The following ULK4 variants were observed in gnomAD, a reference collection of about 807,000 sequenced individuals.
ULK4 encodes the protein unc-51 like kinase 4.
A neutral mutation model predicts 160.6 loss-of-function variants in ULK4; 133 were observed. The observed-to-expected ratio is 0.83, with a 90% CI of 0.72 to 0.96. The LOEUF (loss-of-function observed/expected upper bound fraction) is 0.96. ULK4 is among the 40% of genes least tolerant of loss of function. The pLI, the probability that ULK4 is intolerant of heterozygous loss-of-function variation, is 0.00. For missense variants in ULK4, 1,580 were observed against 1,499.5 expected (o/e 1.05, Z -0.89); for synonymous variants, 534 against 539.8 (o/e 0.99, Z 0.15).
At chr3:41,648,451 G>T (rs1394208966) in intron 30 of ULK4, among the ~76,000 whole-genome samples, 1 of 152,152 alleles carries the variant, frequency 6.6e-6, no homozygotes, top group Non-Finnish European at 1.5e-5. Flanking sequence ...TTAGGACAAT[G>T]TTAGTCATTG....
rs966293391 is a variant in ULK4, at chr3:41,863,966, T to C, written c.1656+19908A>G. Among the ~76,000 whole-genome samples, 3 of 151,918 alleles carry C rather than the reference T, an allele frequency of 2.0e-5. No individual in the cohort carries two copies. In the South Asian group the frequency reaches 6.2e-4, roughly 32 times the overall value. ...CTGCCCCAGCTGGCATCTCAGTATG[T>C]CATGTGCCCCCTCAGTCCACTGTCT... On this transcript the variant is annotated intron_variant, in intron 17 of 36. Transcript: ENST00000301831.
intron 25 of ULK4, among the ~76,000 whole-genome samples, chr3:41,706,911 A>G (rs998451440): frequency 3.4e-5 from 5 of 149,122 alleles, no homozygotes; most frequent in African/African-American, 1.2e-4. Flanking sequence ...AGAGAGAGAG[A>G]GAGAATAGAA....
intron 31 of ULK4, among the ~76,000 whole-genome samples, chr3:41,569,126 A>G (rs1379428945): frequency 6.6e-6 from 1 of 152,180 alleles, no homozygotes; most frequent in Non-Finnish European, 1.5e-5. Flanking sequence ...CAACCTGTAC[A>G]TATTCAGCTA....
intron 21 of ULK4, among the ~76,000 whole-genome samples, chr3:41,773,056 T>A (rs964799182): frequency 1.3e-5 from 2 of 152,218 alleles, no homozygotes; most frequent in African/African-American, 4.8e-5. Flanking sequence ...AATTAGGTAC[T>A]GATGGGACAT....
chr3:41,473,618 C>T (rs1261442419), intron 32 of ULK4, among the ~76,000 whole-genome samples: 2 of 137,630 alleles, frequency 1.5e-5, no homozygotes, highest in African/African-American at 2.8e-5. Flanking sequence ...GCTGAGATCG[C>T]ACCACGGCAC....
At position 41,398,160 on chromosome 3, in the gene ULK4, A is replaced by C. The variant is rs2082103286; in HGVS notation, c.3597T>G (p.Asn1199Lys). 6.2e-7 allele frequency: 1 copy of C among 1,613,306 alleles called. No individual in the cohort carries two copies. Among genetic ancestry groups the C allele is most frequent in the Non-Finnish European group, 8.5e-7 (1 of 1,179,662 alleles). ...TCAGTAAATGAGCAAAAATTTCCAC[A>C]TTTTCAGGAGAGAGGCTGTCCGGGT... ...GENPDSLSPE[N>K]VEIFAHLLTS... Residue 1199 changes from asparagine (N) to lysine (K), a missense_variant, in exon 35 of 37, where the codon AAT becomes AAG. Transcript: ENST00000301831.
At chr3:41,446,115 C>G (rs2083291387) in intron 34 of ULK4, among the ~76,000 whole-genome samples, 1 of 152,084 alleles carries the variant, frequency 6.6e-6, no homozygotes, top group African/African-American at 2.4e-5. Context: ...CCAAAACACA[C>G]ATGAAAAAAA....
chr3:41,489,290 T>A (rs904623384), intron 32 of ULK4, among the ~76,000 whole-genome samples: 2 of 152,210 alleles, frequency 1.3e-5, no homozygotes, highest in Non-Finnish European at 2.9e-5. Context: ...GATCATCTAT[T>A]CTCTGCACTG....
At chr3:41,406,509 C>T (rs995473008) in intron 34 of ULK4, among the ~76,000 whole-genome samples, 7 of 152,058 alleles carry the variant, frequency 4.6e-5, no homozygotes, top group Admixed American at 1.3e-4. Flanking sequence ...TGAAAAATGT[C>T]GGTAGCTTGA....
chr3:41,706,078 A>AC (rs928704998), intron 25 of ULK4, among the ~76,000 whole-genome samples: 2 of 150,230 alleles, frequency 1.3e-5, no homozygotes, highest in African/African-American at 4.9e-5. Context: ...TCTTATTCCA[A>AC]CCCCCTTATC....
chr3:41,528,563 T>C (rs1440880935), intron 32 of ULK4, among the ~76,000 whole-genome samples: 7 of 152,172 alleles, frequency 4.6e-5, no homozygotes, highest in African/African-American at 1.4e-4. Context: ...ACCAAGTAAA[T>C]GAAAAGTACT....
chr3:41,551,799 G>C lies in ULK4; in HGVS notation c.3226+14226C>G, dbSNP rs1392491113. Reference sequence around the variant, plus strand: ...GGCCAGCATTACCAAATCCAGATAAGAACACAACTACAAAAAAACCCTACA... The same window carrying C: ...GGCCAGCATTACCAAATCCAGATAACAACACAACTACAAAAAAACCCTACA... On this transcript the variant is annotated intron_variant, in intron 32 of 36. Transcript: ENST00000301831. Among the ~76,000 whole-genome samples the C allele has an allele frequency of 2.6e-5, 4 of 151,512 alleles. No individual in the cohort carries two copies. In the East Asian group the frequency reaches 7.7e-4, roughly 29 times the overall value.
At chr3:41,718,361 T>C (rs573289310) in intron 22 of ULK4, among the ~76,000 whole-genome samples, 190 of 152,322 alleles carry the variant, frequency 1.2e-3, no homozygotes, top group Non-Finnish European at 2.2e-3. Flanking sequence ...TACGTGTCTC[T>C]TTATCTACTA....
At chr3:41,703,854 ACACACACACACACACACAC>A (rs1470788660) in intron 27 of ULK4, among the ~76,000 whole-genome samples, 76 of 151,102 alleles carry the variant, frequency 5.0e-4, no homozygotes, top group African/African-American at 1.8e-3. Context: ...ACACACACAC[ACACACACACACACACACAC>A]ACAAGTTAAC....
intron 35 of ULK4, among the ~76,000 whole-genome samples, chr3:41,270,420 G>C (rs2079120630): frequency 6.6e-6 from 1 of 150,404 alleles, no homozygotes; most frequent in Admixed American, 6.6e-5. Flanking sequence ...ACATTTGTGG[G>C]GTCTGGGTCC....
intron 34 of ULK4, among the ~76,000 whole-genome samples, chr3:41,403,430 T>C (rs1041195469): frequency 5.3e-5 from 8 of 152,228 alleles, no homozygotes; most frequent in African/African-American, 1.9e-4. Flanking sequence ...GTTGCAGATA[T>C]ACACTGACAT....
intron 35 of ULK4, among the ~76,000 whole-genome samples, chr3:41,364,750 C>T (rs1008034716): frequency 1.1e-4 from 16 of 152,146 alleles, no homozygotes; most frequent in African/African-American, 3.9e-4. Context: ...GTCCTCTTTC[C>T]AGCAAACATA....
rs117020675 is a variant in ULK4, at chr3:41,373,173, G to A, written c.3678+24906C>T. On this transcript the variant is annotated intron_variant, in intron 35 of 36. Transcript: ENST00000301831. ...AGAGACCTACAAAGAGACTTAGACT[G>A]CCACACAATAATAGTGTGGGAGTGA... Among the ~76,000 whole-genome samples, 347 of 152,212 alleles carry A rather than the reference G, an allele frequency of 2.3e-3. 4 individuals are homozygous for A. Among genetic ancestry groups the A allele is most frequent in the African/African-American group, 7.9e-3 (328 of 41,546 alleles).
intron 17 of ULK4, among the ~76,000 whole-genome samples, chr3:41,857,001 T>G (rs1183530398): frequency 6.6e-6 from 1 of 152,132 alleles, no homozygotes; most frequent in Non-Finnish European, 1.5e-5. Flanking sequence ...CCTATTAGAC[T>G]GGATAAACTA....
Sources: gnomAD v4.1 joint callset for allele counts (sites outside exome capture counted in the v4.1 genomes callset) on GRCh38, gnomAD v4.1.1 for gene constraint, MANE v1.5 for transcripts, NCBI Gene and HGNC (gene_info 2026-07-23, HGNC 2026-07-21) for gene names.